PIP4K2A: variants seen among roughly 807,000 people sequenced by gnomAD.
The protein encoded by PIP4K2A is phosphatidylinositol-5-phosphate 4-kinase type 2 alpha.
In PIP4K2A, 14 loss-of-function variants were observed where a neutral mutation model predicts 42.9. The observed-to-expected ratio is 0.33, with a 90% confidence interval of 0.22 to 0.51. PIP4K2A has a LOEUF of 0.51. Ranked by LOEUF, PIP4K2A falls within the 20% of genes least tolerant of loss-of-function variation. PIP4K2A has a pLI of 0.97. For missense variants in PIP4K2A, 434 were observed against 519.8 expected, an observed-to-expected ratio of 0.83 and a Z score of 1.61; for synonymous variants, 192 against 192.2, an observed-to-expected ratio of 1.00 and a Z score of 0.01.
rs138112174 is a variant in PIP4K2A, at chr10:22,537,890, G to A, written c.1141-609C>T. 3.4e-3 allele frequency among the ~76,000 whole-genome samples: 514 copies of A among 152,246 alleles called. 3 individuals carry two copies. The highest frequency in any genetic ancestry group is 0.012 in the African/African-American group (485 of 41,546). On this transcript the variant is annotated intron_variant, in intron 9 of 9. Coordinates refer to ENST00000376573, the MANE Select transcript of PIP4K2A (RefSeq NM_005028.5). ...ACACTGCTGGCTCCATCTTGCCCACGGGGGAAGGAGCTGACTTCCCTCTGC... is the reference window on the plus strand; with the variant it reads ...ACACTGCTGGCTCCATCTTGCCCACAGGGGAAGGAGCTGACTTCCCTCTGC...
intron 3 of PIP4K2A, among the ~76,000 whole-genome samples, chr10:22,599,438 T>C (rs565232499): frequency 3.9e-5 from 6 of 152,322 alleles, no homozygotes; most frequent in African/African-American, 1.4e-4. Flanking sequence ...GGCCCAAACA[T>C]TGATCTTTCA....
chr10:22,679,437 G>A (rs1176727081), intron 1 of PIP4K2A, among the ~76,000 whole-genome samples: 1 of 152,182 alleles, frequency 6.6e-6, no homozygotes, highest in East Asian at 1.9e-4. Context: ...CATGGATGCA[G>A]TGAAATTAGA....
intron 1 of PIP4K2A, among the ~76,000 whole-genome samples, chr10:22,643,499 T>C (rs1483250887): frequency 1.3e-5 from 2 of 152,104 alleles, no homozygotes; most frequent in Non-Finnish European, 2.9e-5. Flanking sequence ...AATTCAGATG[T>C]TACAAGAATT....
intron 1 of PIP4K2A, among the ~76,000 whole-genome samples, chr10:22,687,021 C>T (rs1839778049): frequency 2.0e-5 from 3 of 151,908 alleles, no homozygotes; most frequent in Admixed American, 6.6e-5. Flanking sequence ...CAAATGAGAC[C>T]TTATTTGTTT....
Position 22,664,082 on chromosome 10 carries a change from T to C in PIP4K2A, c.144+50101A>G, listed in dbSNP as rs1333221700. ...ATATACATATATATATATACGTATA[T>C]ATATATACATATATATATATACATA... On this transcript the variant is annotated intron_variant, in intron 1 of 9. Transcript: ENST00000376573. Among the ~76,000 whole-genome samples, 180 of 72,410 alleles carry C rather than the reference T, an allele frequency of 2.5e-3. 7 individuals are homozygous for C. Among genetic ancestry groups the C allele is most frequent in the African/African-American group, 3.3e-3 (29 of 8,850 alleles). The allele number at this position is 72,410 out of a possible 152,430, so 47.5% of individuals were successfully genotyped here. A position where few individuals can be genotyped will look rare whatever the true frequency, so the allele number is the denominator to read the frequency against.
At chr10:22,555,442 A>G (rs770726230) in intron 6 of PIP4K2A, among the ~76,000 whole-genome samples, 1 of 152,200 alleles carries the variant, frequency 6.6e-6, no homozygotes, top group Non-Finnish European at 1.5e-5. Flanking sequence ...TCATGTTCTC[A>G]AGTATGGCTT....
At chr10:22,695,529 C>T (rs1031500782) in intron 1 of PIP4K2A, among the ~76,000 whole-genome samples, 8 of 152,134 alleles carry the variant, frequency 5.3e-5, no homozygotes, top group Non-Finnish European at 1.2e-4. Flanking sequence ...GAGAGCTACA[C>T]AGAGAGAAAA....
chr10:22,536,944 C>T lies in PIP4K2A; in HGVS notation c.*257G>A, dbSNP rs1005674350. On this transcript the variant is annotated 3_prime_UTR_variant, in exon 10 of 10. Transcript: ENST00000376573. ...ATTTATGACTTTTAAAATGCACACG[C>T]GCGCACACACTCACCCCCCCCCAAC... is the stretch of plus-strand genomic sequence containing the variant. 1.4e-4 allele frequency: 58 copies of T among 406,414 alleles called. 1 individual carries two copies. Among genetic ancestry groups the T allele is most frequent in the Admixed American group, 1.4e-3 (25 of 17,622 alleles). The allele number at this position is 406,414 out of a possible 1,614,324, so 25.2% of individuals were successfully genotyped here.
intron 7 of PIP4K2A, among the ~76,000 whole-genome samples, chr10:22,548,448 GAA>G (rs2130754969): frequency 6.6e-6 from 1 of 152,148 alleles, no homozygotes; most frequent in South Asian, 2.1e-4. Context: ...ACTGCCAACA[GAA>G]AAAAACCATT....
At chr10:22,680,725 G>A (rs1416259207) in intron 1 of PIP4K2A, among the ~76,000 whole-genome samples, 1 of 152,196 alleles carries the variant, frequency 6.6e-6, no homozygotes, top group Non-Finnish European at 1.5e-5. Context: ...AGCTCAGCGA[G>A]GGCTGGTGAT....
intron 1 of PIP4K2A, among the ~76,000 whole-genome samples, chr10:22,650,274 G>C (rs1351642844): frequency 6.6e-6 from 1 of 152,014 alleles, no homozygotes; most frequent in Non-Finnish European, 1.5e-5. Context: ...TTTTTTCTGA[G>C]ACTGGGTATC....
chr10:22,610,633 C>A (rs1470000743), intron 1 of PIP4K2A, among the ~76,000 whole-genome samples: 1 of 151,966 alleles, frequency 6.6e-6, no homozygotes, highest in Non-Finnish European at 1.5e-5. Flanking sequence ...AGGCAATCTC[C>A]AAGACACCTT....
At chr10:22,691,069 T>C (rs2130898729) in intron 1 of PIP4K2A, among the ~76,000 whole-genome samples, 1 of 152,226 alleles carries the variant, frequency 6.6e-6, no homozygotes, top group African/African-American at 2.4e-5. Flanking sequence ...ATAAGAAAAC[T>C]GAATGGTTTT....
chr10:22,640,072 T>A (rs2130789958), intron 1 of PIP4K2A, among the ~76,000 whole-genome samples: 1 of 137,640 alleles, frequency 7.3e-6, no homozygotes, highest in African/African-American at 2.7e-5. Context: ...AATCAAGACA[T>A]CCCAAGCAAA....
chr10:22,652,122 A>T (rs908711073), intron 1 of PIP4K2A, among the ~76,000 whole-genome samples: 2 of 147,454 alleles, frequency 1.4e-5, no homozygotes, highest in Admixed American at 6.8e-5. Flanking sequence ...CTGCACACAA[A>T]TTTTTTTTTT....
chr10:22,556,952 G>GT lies in PIP4K2A; in HGVS notation c.679-6181dup, dbSNP rs200803547. Among the ~76,000 whole-genome samples the GT allele has an allele frequency of 5.3e-5, 8 of 152,284 alleles. No individual in the cohort carries two copies. In the East Asian group the frequency reaches 1.3e-3, roughly 26 times the overall value. On this transcript the variant is annotated intron_variant, in intron 6 of 9. Coordinates refer to ENST00000376573, the MANE Select transcript of PIP4K2A (RefSeq NM_005028.5). Reference sequence around the variant, plus strand: ...ACAATACAGGTCATGGTCAAAAATAGTTTGTGTGTCATTAAGACACAACAT... The same window carrying GT: ...ACAATACAGGTCATGGTCAAAAATAGTTTTGTGTGTCATTAAGACACAACAT...
chr10:22,607,330 C>A (rs887530740), intron 3 of PIP4K2A, among the ~76,000 whole-genome samples: 3 of 152,094 alleles, frequency 2.0e-5, no homozygotes, highest in African/African-American at 7.2e-5. Flanking sequence ...CAGCAGTGCA[C>A]ATTTTTACGT....
chr10:22,670,293 C>T (rs1357918846), intron 1 of PIP4K2A, among the ~76,000 whole-genome samples: 5 of 152,112 alleles, frequency 3.3e-5, no homozygotes, highest in Admixed American at 6.6e-5. Context: ...GTGGGAGGAT[C>T]GCTTGAGCCC....
chr10:22,652,121 A>AC (rs1203639866), intron 1 of PIP4K2A, among the ~76,000 whole-genome samples: 1 of 139,670 alleles, frequency 7.2e-6, no homozygotes, highest in African/African-American at 2.6e-5. Context: ...ACTGCACACA[A>AC]ATTTTTTTTT....
Sources: allele counts gnomAD v4.1 joint callset (sites outside exome capture counted in the v4.1 genomes callset), GRCh38; gene constraint gnomAD v4.1.1; transcripts MANE v1.5; gene names NCBI Gene and HGNC (gene_info 2026-07-23, HGNC 2026-07-21).